ARHGEF38: variants seen among roughly 807,000 people sequenced by gnomAD.
ARHGEF38 encodes the protein Rho guanine nucleotide exchange factor (GEF) 38.
Under a neutral mutation model 79.9 loss-of-function variants are expected in ARHGEF38, and 79 were observed. The ratio of observed to expected loss-of-function variants is 0.99; its 90% CI spans 0.82 to 1.19. The LOEUF (loss-of-function observed/expected upper bound fraction) is 1.19. ARHGEF38 is among the 50% of genes most tolerant of loss of function. The pLI, the probability that ARHGEF38 is intolerant of heterozygous loss-of-function variation, is 0.00. For missense variants in ARHGEF38, 962 were observed against 907.2 expected (o/e 1.06, Z -0.78); for synonymous variants, 366 against 328.3 (o/e 1.11, Z -1.24).
chr4:105,673,828 G>C (rs548447705), intron 13 of ARHGEF38, among the ~76,000 whole-genome samples: 4 of 152,078 alleles, frequency 2.6e-5, no homozygotes, highest in Admixed American at 2.6e-4. Flanking sequence ...CATCGAAATT[G>C]CTCGTGTAAT....
chr4:105,616,671 A>T (rs565694911), intron 3 of ARHGEF38, among the ~76,000 whole-genome samples: 20 of 152,208 alleles, frequency 1.3e-4, no homozygotes, highest in Non-Finnish European at 4.4e-5. Context: ...TTTTAGAAAA[A>T]TTTTGATTTT....
At chr4:105,655,460 C>A in intron 8 of ARHGEF38, 143 bp from the exon 9 acceptor site, 1 of 830,050 alleles carries the variant, frequency 1.2e-6, no homozygotes, top group Non-Finnish European at 1.8e-6. Context: ...TTGTACAGAG[C>A]ATTTATAAAA....
intron 1 of ARHGEF38, among the ~76,000 whole-genome samples, chr4:105,560,120 C>A (rs1725444728): frequency 6.6e-6 from 1 of 152,188 alleles, no homozygotes; most frequent in Admixed American, 6.5e-5. Flanking sequence ...GATGACATTT[C>A]TCTGCTACCA....
chr4:105,565,975 C>T (rs1295339915), intron 1 of ARHGEF38, among the ~76,000 whole-genome samples: 1 of 152,170 alleles, frequency 6.6e-6, no homozygotes, highest in Non-Finnish European at 1.5e-5. Flanking sequence ...CTCCTTCTTT[C>T]CCCTAGTGAC....
rs1404629232 is a variant in ARHGEF38, at chr4:105,653,981, A to G, written c.1009-84A>G. Reference sequence around the variant, plus strand: ...TATCATCAAAGAATTTTCTTTTGTAATGTGCTGGACCAATATGGTCTGTGC... The same window carrying G: ...TATCATCAAAGAATTTTCTTTTGTAGTGTGCTGGACCAATATGGTCTGTGC... On this transcript the variant is annotated intron_variant, in intron 7 of 13. Coordinates refer to ENST00000420470, the MANE Select transcript of ARHGEF38 (RefSeq NM_001242729.2). 4.4e-5 allele frequency: 28 copies of G among 634,188 alleles called. No individual in the cohort carries two copies. The East Asian group carries it at 8.0e-4, about 18-fold the overall frequency. The allele number at this position is 634,188 out of a possible 1,614,324, so 39.3% of individuals were successfully genotyped here. A position where few individuals can be genotyped will look rare whatever the true frequency, so the allele number is the denominator to read the frequency against.
intron 1 of ARHGEF38, among the ~76,000 whole-genome samples, chr4:105,560,166 T>A (rs546797896): frequency 6.6e-6 from 1 of 152,364 alleles, no homozygotes; most frequent in East Asian, 1.9e-4. Context: ...CACTTTGGAA[T>A]ATATTTTCTT....
Position 105,655,644 on chromosome 4 carries a change from G to C in ARHGEF38, c.1155G>C (p.Gln385His). 6.5e-7 allele frequency: 1 copy of C among 1,535,974 alleles called. No homozygotes were observed. The highest frequency in any genetic ancestry group is 1.2e-5 in the South Asian group (1 of 84,024). Residue 385 changes from glutamine to histidine, a missense_variant, in exon 9 of 14, where the codon CAG (glutamine) becomes CAC (histidine). Physicochemically the swap from Gln to His is conservative, Grantham distance 24. Coordinates refer to ENST00000420470, the MANE Select transcript of ARHGEF38 (RefSeq NM_001242729.2). ...CTCTGCAGAGTGTGATGGACCTTCAGGAGATTTCATACAACAAAGACGATG... is the reference window on the plus strand; with the variant it reads ...CTCTGCAGAGTGTGATGGACCTTCACGAGATTTCATACAACAAAGACGATG... Reference protein sequence around the residue: ...PLALQSVMDLQEISYNKDDEM... With the variant: ...PLALQSVMDLHEISYNKDDEM...
intron 10 of ARHGEF38, among the ~76,000 whole-genome samples, chr4:105,665,265 C>A (rs576329080): frequency 1.3e-5 from 2 of 152,036 alleles, no homozygotes; most frequent in South Asian, 2.1e-4. Context: ...GAGGCCGAGG[C>A]GGGCGGATCA....
intron 3 of ARHGEF38, among the ~76,000 whole-genome samples, chr4:105,628,752 C>G (rs1426844842): frequency 6.6e-6 from 1 of 152,070 alleles, no homozygotes; most frequent in African/African-American, 2.4e-5. Context: ...CACATTATCT[C>G]ACATTACCTC....
intron 2 of ARHGEF38, among the ~76,000 whole-genome samples, chr4:105,608,138 T>G (rs551774238): frequency 6.6e-6 from 1 of 152,224 alleles, no homozygotes; most frequent in East Asian, 1.9e-4. Context: ...TTGAGTAACC[T>G]CCATACTATT....
intron 2 of ARHGEF38, among the ~76,000 whole-genome samples, chr4:105,598,970 G>A (rs144884534): frequency 5.9e-5 from 9 of 152,292 alleles, no homozygotes; most frequent in African/African-American, 1.9e-4. Flanking sequence ...TCTTTCTCAA[G>A]TACTGACACT....
At chr4:105,622,034 G>A (rs1423879880) in intron 3 of ARHGEF38, among the ~76,000 whole-genome samples, 11 of 152,216 alleles carry the variant, frequency 7.2e-5, no homozygotes. Context: ...GTACCAGGCT[G>A]TAACATGGGG....
chr4:105,645,465 A>G (rs377305519), intron 6 of ARHGEF38, 78 bp downstream of exon 6: 3 of 1,228,282 alleles, frequency 2.4e-6, no homozygotes, highest in Non-Finnish European at 1.1e-6. Flanking sequence ...CAGAATGTTT[A>G]AGTAGTTATA....
chr4:105,600,439 A>G (rs531504507), intron 2 of ARHGEF38, among the ~76,000 whole-genome samples: 181 of 152,210 alleles, frequency 1.2e-3, no homozygotes, highest in South Asian at 8.5e-3. Context: ...TTCTCCCCCT[A>G]CCACTCTGGC....
At chr4:105,576,416 T>C (rs1259037284) in intron 1 of ARHGEF38, among the ~76,000 whole-genome samples, 9 of 151,494 alleles carry the variant, frequency 5.9e-5, no homozygotes. Flanking sequence ...TCTTTTTTTT[T>C]TTTTTTTGCA....
intron 10 of ARHGEF38, among the ~76,000 whole-genome samples, chr4:105,659,567 A>G (rs1386909688): frequency 1.3e-5 from 2 of 152,176 alleles, no homozygotes; most frequent in Non-Finnish European, 2.9e-5. Context: ...TTCCTAGTTC[A>G]GGTTTACTGT....
At position 105,632,123 on chromosome 4, in the gene ARHGEF38, C is replaced by T. The variant is rs550257799; in HGVS notation, c.656+1078C>T. ...ATACTACTCTGGAGGAGGCGTTTCC[C>T]GGCTAGAATTGGGTCTGAAAGTGAG... On this transcript the variant is annotated intron_variant, in intron 4 of 13. Transcript: ENST00000420470. Among the ~76,000 whole-genome samples, 5 of 152,156 alleles carry T rather than the reference C, an allele frequency of 3.3e-5. No homozygotes were observed. In the South Asian group the frequency reaches 8.3e-4, roughly 25 times the overall value.
chr4:105,585,402 C>T (rs1418783147), intron 1 of ARHGEF38, among the ~76,000 whole-genome samples: 1 of 152,140 alleles, frequency 6.6e-6, no homozygotes, highest in East Asian at 1.9e-4. Flanking sequence ...TATCCTTTTC[C>T]CAAACTGCAA....
chr4:105,660,451 TG>T (rs538608980), intron 10 of ARHGEF38, among the ~76,000 whole-genome samples: 6,380 of 148,678 alleles, frequency 0.043, 188 homozygotes, highest in Middle Eastern at 0.13. Context: ...TTTTTTTTGG[TG>T]GGGGGGGATG....
Sources: gnomAD v4.1 joint callset for allele counts (sites outside exome capture counted in the v4.1 genomes callset) on GRCh38, gnomAD v4.1.1 for gene constraint, MANE v1.5 for transcripts, NCBI Gene and HGNC (gene_info 2026-07-23, HGNC 2026-07-21) for gene names.